The following PPFIA2 variants were observed in gnomAD, a reference collection of about 807,000 sequenced individuals.
The protein encoded by PPFIA2 is liprin-alpha-2.
In PPFIA2, 46 loss-of-function variants were observed where a neutral mutation model predicts 175.5. The observed-to-expected ratio is 0.26, with a 90% CI of 0.21 to 0.34. The LOEUF (loss-of-function observed/expected upper bound fraction) is 0.34, where lower values mean the gene tolerates loss of function less well. Ranked by LOEUF, PPFIA2 falls within the 10% of genes least tolerant of loss-of-function variation. The pLI, the probability that PPFIA2 is intolerant of heterozygous loss-of-function variation, is 1.00. For missense variants in PPFIA2, 1,179 were observed against 1,506.1 expected (o/e 0.78, Z 3.60); for synonymous variants, 568 against 511.4 (o/e 1.11, Z -1.49).
At chr12:81,499,425 C>CA (rs527311265) in intron 4 of PPFIA2, among the ~76,000 whole-genome samples, 2 of 151,306 alleles carry the variant, frequency 1.3e-5, no homozygotes, top group South Asian at 4.2e-4. Context: ...GCAATGCCTT[C>CA]AGGAAGTACG....
rs80027462 is a variant in PPFIA2 at position 81,324,066 on chromosome 12, A to T, written c.2642+1711T>A. Among the ~76,000 whole-genome samples, 94 of 152,198 alleles carry T rather than the reference A, an allele frequency of 6.2e-4. No individual in the cohort carries two copies. In the East Asian group the frequency reaches 0.015, roughly 25 times the overall value. On this transcript the variant is annotated intron_variant, in intron 22 of 32. Coordinates refer to ENST00000549396, the MANE Select transcript of PPFIA2 (RefSeq NM_003625.5). ...TTAATATTAAAAGCAAGTATTCTAC[A>T]TAACACATCTTACAGTTACATTTTG...
chr12:81,680,613 C>T (rs1021723056), intron 3 of PPFIA2, among the ~76,000 whole-genome samples: 1 of 151,858 alleles, frequency 6.6e-6, no homozygotes, highest in Non-Finnish European at 1.5e-5. Flanking sequence ...TTATGAGGAG[C>T]TTTTACATAG....
chr12:81,375,714 A>G (rs1566537436), intron 10 of PPFIA2, 82 bp downstream of exon 10: 1 of 1,366,100 alleles, frequency 7.3e-7, no homozygotes, highest in Non-Finnish European at 1.0e-6. Flanking sequence ...TCTGTCAAGA[A>G]GTACCCTATT....
At chr12:81,673,198 C>A (rs2071768750) in intron 4 of PPFIA2, among the ~76,000 whole-genome samples, 1 of 152,024 alleles carries the variant, frequency 6.6e-6, no homozygotes, top group African/African-American at 2.4e-5. Context: ...AGAAGGGATC[C>A]TTCACACTGC....
chr12:81,759,283 C>G lies in PPFIA2; in HGVS notation c.-114G>C, dbSNP rs545486691. 2.0e-5 allele frequency: 3 copies of G among 151,864 alleles called. No homozygotes were observed. Among genetic ancestry groups the G allele is most frequent in the Admixed American group, 1.3e-4 (2 of 15,234 alleles). 9.4% of individuals were successfully genotyped at this position (151,864 alleles called of 1,614,324 possible). On this transcript the variant is annotated 5_prime_UTR_variant, in exon 1 of 33. Transcript: ENST00000549396. ...TCAATTGGCCGGAAGAACCAACCTG[C>G]TGGCAGCCGGTGAGGACGCTACAGC...
Position 81,262,050 on chromosome 12 carries a change from G to C in PPFIA2, c.3716-10C>G. 4.5e-6 allele frequency: 7 copies of C among 1,567,836 alleles called. No homozygotes were observed. The highest frequency in any genetic ancestry group is 4.4e-6 in the Non-Finnish European group (5 of 1,142,942). On this transcript the variant is annotated splice_polypyrimidine_tract_variant and intron_variant, in intron 31 of 32. Transcript: ENST00000549396. ...AGTCTTGATGAAGCAACTGCAAATGGAGAAAAGGGCTTTAGAGGGACTTGG... is the reference window on the plus strand; with the variant it reads ...AGTCTTGATGAAGCAACTGCAAATGCAGAAAAGGGCTTTAGAGGGACTTGG...
intron 4 of PPFIA2, among the ~76,000 whole-genome samples, chr12:81,483,577 G>A (rs2058488859): frequency 6.6e-6 from 1 of 151,906 alleles, no homozygotes; most frequent in African/African-American, 2.4e-5. Context: ...AGAGGGTGAT[G>A]CACATGATCT....
intron 2 of PPFIA2, among the ~76,000 whole-genome samples, chr12:81,755,239 T>C (rs2084460649): frequency 6.6e-6 from 1 of 152,188 alleles, no homozygotes; most frequent in Admixed American, 6.5e-5. Context: ...ATTGAACAAT[T>C]ATGTGGCAAC....
intron 9 of PPFIA2, among the ~76,000 whole-genome samples, chr12:81,382,483 G>C (rs1216816219): frequency 1.3e-5 from 2 of 152,158 alleles, no homozygotes; most frequent in Non-Finnish European, 2.9e-5. Flanking sequence ...CCAGGAAACA[G>C]ATGACCATTG....
intron 4 of PPFIA2, among the ~76,000 whole-genome samples, chr12:81,536,710 T>A (rs1189791403): frequency 7.1e-6 from 1 of 141,410 alleles, no homozygotes; most frequent in African/African-American, 2.6e-5. Context: ...ATATAGCATG[T>A]AATATACATA....
intron 4 of PPFIA2, among the ~76,000 whole-genome samples, chr12:81,494,219 T>G (rs183800302): frequency 0.092 from 13,887 of 151,768 alleles, 829 homozygotes; most frequent in Middle Eastern, 0.15. Context: ...ATATCCAGAA[T>G]CTACAATGAA....
chr12:81,505,513 C>A (rs1018734593), intron 4 of PPFIA2, among the ~76,000 whole-genome samples: 1 of 152,060 alleles, frequency 6.6e-6, no homozygotes, highest in African/African-American at 2.4e-5. Context: ...CTCTTGCTTC[C>A]TCTGCAAGTG....
chr12:81,472,098 C>T (rs1249907015), intron 4 of PPFIA2, among the ~76,000 whole-genome samples: 1 of 152,102 alleles, frequency 6.6e-6, no homozygotes, highest in African/African-American at 2.4e-5. Context: ...AAGCCAGTCA[C>T]AAAGGACCAT....
chr12:81,455,126 A>C (rs547158048), intron 5 of PPFIA2, among the ~76,000 whole-genome samples: 1 of 152,338 alleles, frequency 6.6e-6, no homozygotes, highest in African/African-American at 2.4e-5. Flanking sequence ...ACAGATATTT[A>C]TAGCAAGAAG....
At chr12:81,465,293 G>C (rs1273114102) in intron 4 of PPFIA2, 2 of 152,140 alleles carry the variant, frequency 1.3e-5, no homozygotes, top group Non-Finnish European at 1.5e-5. Context: ...ACCAGTTTGA[G>C]AGAGAAGAGG....
At chr12:81,364,728 G>A (rs1027046950) in intron 14 of PPFIA2, among the ~76,000 whole-genome samples, 5 of 151,718 alleles carry the variant, frequency 3.3e-5, no homozygotes, top group African/African-American at 1.2e-4. Context: ...GACAAGAATG[G>A]TGTTAGGGTA....
intron 4 of PPFIA2, among the ~76,000 whole-genome samples, chr12:81,550,517 C>T (rs1313595182): frequency 6.6e-6 from 1 of 151,906 alleles, no homozygotes; most frequent in African/African-American, 2.4e-5. Context: ...GTAAGACAGG[C>T]TGTGGAAGTA....
intron 14 of PPFIA2, among the ~76,000 whole-genome samples, chr12:81,365,901 T>C (rs2033078066): frequency 6.6e-6 from 1 of 151,712 alleles, no homozygotes; most frequent in African/African-American, 2.4e-5. Context: ...TAGGGTTAAA[T>C]GTATAATTGT....
chr12:81,401,814 G>A (rs1041091617), intron 8 of PPFIA2, among the ~76,000 whole-genome samples: 1 of 152,104 alleles, frequency 6.6e-6, no homozygotes, highest in South Asian at 2.1e-4. Flanking sequence ...AGTTATTAGA[G>A]CCTGGTTCTG....
Sources: gnomAD v4.1 joint callset for allele counts (sites outside exome capture counted in the v4.1 genomes callset) on GRCh38, gnomAD v4.1.1 for gene constraint, MANE v1.5 for transcripts, NCBI Gene and HGNC (gene_info 2026-07-23, HGNC 2026-07-21) for gene names.